PDXDC1: variants seen among roughly 807,000 people sequenced by gnomAD.
PDXDC1 encodes the protein pyridoxal dependent decarboxylase domain containing 1.
Under a neutral mutation model 100.1 loss-of-function variants are expected in PDXDC1, and 42 were observed. The ratio of observed to expected loss-of-function variants is 0.42; its 90% CI spans 0.33 to 0.54. PDXDC1 has a LOEUF of 0.54. Ranked by LOEUF, PDXDC1 falls within the 20% of genes least tolerant of loss-of-function variation. The pLI is 0.10. For missense variants in PDXDC1, 636 were observed against 979.2 expected, an observed-to-expected ratio of 0.65 and a Z score of 4.68; for synonymous variants, 260 against 371.7, an observed-to-expected ratio of 0.70 and a Z score of 3.46.
chr16:15,037,593 A>G lies in PDXDC1; in HGVS notation c.*1318A>G, dbSNP rs1398402312. ...CTTCAAGAAAATTACATGTTTTTAT[A>G]TATATTTGGAATTGTTAAATTGGTT... On this transcript the variant is annotated 3_prime_UTR_variant, in exon 23 of 23. Transcript: ENST00000396410. The G allele has an allele frequency of 1.9e-5, 3 of 154,072 alleles. No individual in the cohort carries two copies. 9.5% of individuals were successfully genotyped at this position (154,072 alleles called of 1,614,324 possible).
intron 16 of PDXDC1, chr16:15,092,509 C>G (rs527370780): frequency 6.2e-7 from 1 of 1,603,106 alleles, no homozygotes; most frequent in Non-Finnish European, 8.5e-7. Flanking sequence ...CTCCCCTTAC[C>G]TTTTTGTACT....
At chr16:15,112,243 G>A (rs1247544838) in intron 16 of PDXDC1, among the ~76,000 whole-genome samples, 1 of 148,464 alleles carries the variant, frequency 6.7e-6, no homozygotes, top group Non-Finnish European at 1.5e-5. Context: ...TTTTTCTTGA[G>A]ACGGAGTGTC....
intron 16 of PDXDC1, among the ~76,000 whole-genome samples, chr16:15,116,510 G>C: frequency 7.5e-6 from 1 of 133,254 alleles, no homozygotes; most frequent in African/African-American, 2.7e-5. Flanking sequence ...AAATTACCAA[G>C]GTGGAGATCA....
intron 16 of PDXDC1, among the ~76,000 whole-genome samples, chr16:15,046,886 G>A (rs977860900): frequency 1.3e-5 from 2 of 151,792 alleles, no homozygotes; most frequent in African/African-American, 4.8e-5. Context: ...ACAACAAAAA[G>A]AGAACAAGAA....
At chr16:14,991,222 A>G (rs1351533468) in intron 1 of PDXDC1, among the ~76,000 whole-genome samples, 1 of 152,276 alleles carries the variant, frequency 6.6e-6, no homozygotes, top group Admixed American at 6.5e-5. Context: ...TGTGGCTTCT[A>G]AACTATTTTG....
chr16:15,041,930 T>C (rs1301789113), downstream of PDXDC1, among the ~76,000 whole-genome samples: 2 of 152,206 alleles, frequency 1.3e-5, no homozygotes, highest in African/African-American at 4.8e-5. Flanking sequence ...CCTTCCCATT[T>C]TTCTCTTCAT....
downstream of PDXDC1, among the ~76,000 whole-genome samples, chr16:15,144,064 G>T (rs1005600118): frequency 6.6e-6 from 1 of 152,160 alleles, no homozygotes; most frequent in Non-Finnish European, 1.5e-5. Context: ...ACCCAGGGAG[G>T]CCCCATGCCC....
chr16:15,099,891 C>A (rs1454521381), intron 16 of PDXDC1, among the ~76,000 whole-genome samples: 1 of 152,158 alleles, frequency 6.6e-6, no homozygotes, highest in East Asian at 1.9e-4. Flanking sequence ...TTACAGCTAC[C>A]CCTAGAGTAG....
chr16:15,035,859 GCT>G (rs1287998762), intron 22 of PDXDC1, among the ~76,000 whole-genome samples, 155 bp from the exon 23 acceptor site: 6 of 152,264 alleles, frequency 3.9e-5, no homozygotes. Context: ...CAAGCTAGCA[GCT>G]CTCGGTTTTC....
chr16:15,056,131 T>G lies in PDXDC1; in HGVS notation c.1399+26075T>G, dbSNP rs571011250. The G allele has an allele frequency of 3.4e-5, 6 of 178,114 alleles. No homozygotes were observed. The East Asian group carries it at 8.6e-4, about 26-fold the overall frequency. The allele number at this position is 178,114 out of a possible 1,614,324, so 11.0% of individuals were successfully genotyped here. ...GGAAGTGGAGTCCAGGCGGAGGCGG[T>G]GCCGGCCGAAGAGACTGGAGAAATC... is the stretch of plus-strand genomic sequence containing the variant. On this transcript the variant is annotated intron_variant, in intron 16 of 16. Coordinates refer to the PDXDC1 transcript ENST00000535621.
chr16:14,982,956 A>C lies in PDXDC1; in HGVS notation c.21+7736A>C, dbSNP rs1410858619. ...AGGCAAGAGTAGTTAAGTTAGGAACAGCTGTCTGGAGCTTTACCTCTTGCT... is the reference window on the plus strand; with the variant it reads ...AGGCAAGAGTAGTTAAGTTAGGAACCGCTGTCTGGAGCTTTACCTCTTGCT... On this transcript the variant is annotated intron_variant, in intron 1 of 22. Transcript: ENST00000396410. Among the ~76,000 whole-genome samples, 12 of 152,400 alleles carry C rather than the reference A, an allele frequency of 7.9e-5. No individual in the cohort carries two copies. The South Asian group carries it at 1.7e-3, about 21-fold the overall frequency.
Position 15,045,466 on chromosome 16 carries a change from C to CAA in PDXDC1, c.1399+15425_1399+15426dup, listed in dbSNP as rs1157158611. ...TGGGTGACAGAGCCAGACTCTGTCT[C>CAA]AAAAAAAAAAAAAAAAGGTTTGAGG... On this transcript the variant is annotated intron_variant, in intron 16 of 16. Transcript: ENST00000535621. The CAA allele has an allele frequency of 5.5e-3, 393 of 71,528 alleles. 1 individual carries two copies. Among genetic ancestry groups the CAA allele is most frequent in the Middle Eastern group, 0.023 (2 of 86 alleles). 4.4% of individuals were successfully genotyped at this position (71,528 alleles called of 1,614,324 possible). A position where few individuals can be genotyped will look rare whatever the true frequency, so the allele number is the denominator to read the frequency against.
chr16:15,133,291 C>G, intron 16 of PDXDC1: 1 of 1,577,990 alleles, frequency 6.3e-7, no homozygotes, highest in African/African-American at 1.3e-5. Context: ...CCAGGGCCAG[C>G]GAGTACTCGA....
In PDXDC1 at chr16:15,104,469, AC is replaced by A; in HGVS notation, c.1400-34409del. The A allele has an allele frequency of 8.8e-6, 6 of 681,870 alleles. 2 individuals are homozygous for A. Among genetic ancestry groups the A allele is most frequent in the South Asian group, 4.5e-5 (2 of 44,044 alleles). 42.2% of individuals were successfully genotyped at this position (681,870 alleles called of 1,614,324 possible). ...GAGGGTGGAAGGGGAGTGAGCAGAC[AC>A]ACTCGGGAGGTGTCTTGAGATTATC... On this transcript the variant is annotated intron_variant, in intron 16 of 16. Transcript: ENST00000535621.
chr16:15,044,409 TG>T (rs779050805), intron 16 of PDXDC1: 1 of 1,611,068 alleles, frequency 6.2e-7, no homozygotes, highest in Non-Finnish European at 8.5e-7. Context: ...ACTTCCAGCC[TG>T]GCAAAGAGAT....
At chr16:15,048,149 G>T in intron 16 of PDXDC1, 1 of 1,347,936 alleles carries the variant, frequency 7.4e-7, no homozygotes, top group Non-Finnish European at 1.0e-6. Context: ...AGTGAGGATG[G>T]AAAAACTAAA....
rs764216138 is a variant in PDXDC1 at position 15,036,169 on chromosome 16, G to A, written c.2261G>A (p.Gly754Glu). The change falls in exon 23 of 23, where the codon GGG (glycine) becomes GAG (glutamate). Residue 754 changes from glycine to glutamate, a missense_variant. Physicochemically the swap from Gly to Glu is moderately conservative, Grantham distance 98. Transcript: ENST00000396410. ...GCCAGCAGCACTGAGGGACACCCAG[G>A]GGCTCCCAGCCCTCAGCACACCGAC... is the stretch of plus-strand genomic sequence containing the variant. The part of the protein sequence containing the change: ...LEASSTEGHP[G>E]APSPQHTDQT... 9 of 1,614,096 alleles carry A rather than the reference G, an allele frequency of 5.6e-6. No homozygotes were observed. In the South Asian group the frequency reaches 9.9e-5, roughly 18 times the overall value.
At chr16:15,068,375 A>G (rs2045070656) in intron 16 of PDXDC1, 1 of 1,432,218 alleles carries the variant, frequency 7.0e-7, no homozygotes, top group East Asian at 2.5e-5. Context: ...TTTAAAAAAA[A>G]CTTTAAAAAA....
Position 15,035,434 on chromosome 16 carries a change from TCTC to T in PDXDC1, c.2003-11_2003-9del, listed in dbSNP as rs773038791. 3.2e-6 allele frequency: 5 copies of T among 1,557,540 alleles called. No individual in the cohort carries two copies. In the South Asian group the frequency reaches 5.7e-5, roughly 18 times the overall value. On this transcript the variant is annotated splice_polypyrimidine_tract_variant and intron_variant, in intron 21 of 22. Transcript: ENST00000396410. ...TGTGCCTGTAGCTTCTACCCAGCCCTCTCCTCTCCCGCAGGCTCTCTGGAGTCC... is the reference window on the plus strand; with the variant it reads ...TGTGCCTGTAGCTTCTACCCAGCCCTCTCTCCCGCAGGCTCTCTGGAGTCC...
Sources: allele counts gnomAD v4.1 joint callset (sites outside exome capture counted in the v4.1 genomes callset), GRCh38; gene constraint gnomAD v4.1.1; transcripts MANE v1.5; gene names NCBI Gene and HGNC (gene_info 2026-07-23, HGNC 2026-07-21).